The following EP300 variants were observed in gnomAD, a reference collection of about 807,000 sequenced individuals.
The protein encoded by EP300 is histone acetyltransferase p300.
In EP300, 31 loss-of-function variants were observed where a neutral mutation model predicts 264.0. The ratio of observed to expected loss-of-function variants is 0.12; its 90% confidence interval spans 0.09 to 0.16. The LOEUF (loss-of-function observed/expected upper bound fraction) is 0.16. EP300 is among the 10% of genes least tolerant of loss of function. EP300 has a pLI of 1.00. For synonymous variants in EP300, 1,340 were observed against 1,045.4 expected (o/e 1.28, Z -5.44); for missense variants, 2,766 against 3,052.9 (o/e 0.91, Z 2.21).
intron 10 of EP300, among the ~76,000 whole-genome samples, chr22:41,144,598 C>T (rs916446357): frequency 7.9e-5 from 12 of 151,980 alleles, no homozygotes; most frequent in African/African-American, 2.9e-4. Context: ...CTCAAGATAT[C>T]CACCCACCTC....
At position 41,098,550 on chromosome 22, in the gene EP300, T is replaced by A. The variant is rs562635912; in HGVS notation, c.94+5452T>A. 2.3e-3 allele frequency among the ~76,000 whole-genome samples: 345 copies of A among 152,238 alleles called. 2 individuals are homozygous for A. Among genetic ancestry groups the A allele is most frequent in the Non-Finnish European group, 4.1e-3 (280 of 68,010 alleles). On this transcript the variant is annotated intron_variant, in intron 1 of 30. Coordinates refer to ENST00000263253, the MANE Select transcript of EP300 (RefSeq NM_001429.4). Reference sequence around the variant, plus strand: ...CCACACCCGGCTAATTTTTTGTATTTTTAGTAGAGACGGGGTTTCACCGTG... The same window carrying A: ...CCACACCCGGCTAATTTTTTGTATTATTAGTAGAGACGGGGTTTCACCGTG...
intron 1 of EP300, among the ~76,000 whole-genome samples, chr22:41,110,974 T>A (rs1214629192): frequency 4.0e-5 from 6 of 150,564 alleles, no homozygotes; most frequent in Non-Finnish European, 7.4e-5. Flanking sequence ...TTTTTTTTTT[T>A]TTAAATTTGA....
At chr22:41,109,253 C>T (rs1230976681) in intron 1 of EP300, among the ~76,000 whole-genome samples, 1 of 116,428 alleles carries the variant, frequency 8.6e-6, no homozygotes, top group South Asian at 2.7e-4. Context: ...GACCCTGTCT[C>T]AAAAAAAAAA....
At chr22:41,126,079 C>G (rs2145708236) in intron 3 of EP300, 39 bp downstream of exon 3, 6 of 1,597,744 alleles carry the variant, frequency 3.8e-6, no homozygotes, top group Non-Finnish European at 5.1e-6. Flanking sequence ...TTCAAACTGG[C>G]ATTTTGACAA....
At chr22:41,144,455 G>A (rs1408357842) in intron 10 of EP300, among the ~76,000 whole-genome samples, 1 of 151,822 alleles carries the variant, frequency 6.6e-6, no homozygotes, top group Non-Finnish European at 1.5e-5. Flanking sequence ...CCAAGCTCAA[G>A]CAATCCTCCC....
intron 1 of EP300, among the ~76,000 whole-genome samples, chr22:41,098,357 G>A (rs1362239262): frequency 6.6e-6 from 1 of 152,144 alleles, no homozygotes; most frequent in African/African-American, 2.4e-5. Context: ...TTTTATAAAT[G>A]TCCCAAAGCA....
intron 23 of EP300, among the ~76,000 whole-genome samples, chr22:41,167,684 G>T (rs1437189727): frequency 7.4e-6 from 1 of 135,642 alleles, no homozygotes; most frequent in East Asian, 2.1e-4. Context: ...AGGTTTCACT[G>T]TGTTGTCCAG....
chr22:41,093,180 C>G, intron 1 of EP300, 82 bp downstream of exon 1: 1 of 1,319,756 alleles, frequency 7.6e-7, no homozygotes, highest in Non-Finnish European at 1.1e-6. Flanking sequence ...TTTTTTTTTT[C>G]TTCCTCTCTC....
At chr22:41,133,053 A>G (rs2037421083) in intron 6 of EP300, among the ~76,000 whole-genome samples, 1 of 152,110 alleles carries the variant, frequency 6.6e-6, no homozygotes, top group African/African-American at 2.4e-5. Flanking sequence ...GGTCTTGTCC[A>G]GGTTGGTCTT....
rs528046571 is a variant in EP300 at position 41,161,393 on chromosome 22, G to A, written c.3671+671G>A. On this transcript the variant is annotated intron_variant, in intron 20 of 30. Transcript: ENST00000263253. ...AGCACTTTGGGAGGCCAAGGCGGGC[G>A]GATCACGAGGTCAGGAGATCGAGAC... is the stretch of plus-strand genomic sequence containing the variant. Among the ~76,000 whole-genome samples the A allele has an allele frequency of 3.9e-5, 6 of 152,298 alleles. No homozygotes were observed. The East Asian group carries it at 9.6e-4, about 24-fold the overall frequency.
At chr22:41,112,430 C>G (rs1386768592) in intron 1 of EP300, among the ~76,000 whole-genome samples, 1 of 150,298 alleles carries the variant, frequency 6.7e-6, no homozygotes, top group African/African-American at 2.5e-5. Context: ...AGCTCCTGAC[C>G]TCAAGTGATC....
intron 1 of EP300, among the ~76,000 whole-genome samples, chr22:41,101,729 A>T (rs913577780): frequency 1.3e-5 from 2 of 152,082 alleles, no homozygotes; most frequent in South Asian, 4.1e-4. Context: ...CTTAAAGAAT[A>T]AATTTTCTTG....
chr22:41,176,492 C>T lies in EP300; in HGVS notation c.5025C>T (p.His1675=), dbSNP rs779813733. ...TCTACACCTGCAATGAATGCAAGCA[C>T]CATGTGGAGACACGCTGGCACTGTA... ...RFVYTCNECK[H]HVETRWHCTV... The change falls in exon 30 of 31, where the codon CAC becomes CAT. Residue 1675 remains histidine (H), a synonymous_variant. Transcript: ENST00000263253. 2 of 1,614,104 alleles carry T rather than the reference C, an allele frequency of 1.2e-6. No individual in the cohort carries two copies. The highest frequency in any genetic ancestry group is 2.2e-5 in the East Asian group (1 of 44,874).
intron 16 of EP300, among the ~76,000 whole-genome samples, chr22:41,152,568 C>T (rs1342066783): frequency 6.6e-6 from 1 of 151,612 alleles, no homozygotes; most frequent in Admixed American, 6.6e-5. Context: ...AAGTCATTCC[C>T]CTCATTTCTT....
rs142288817 is a variant in EP300, at chr22:41,168,570, C to T, written c.3996C>T (p.Thr1332=). 91 of 1,613,982 alleles carry T rather than the reference C, an allele frequency of 5.6e-5. No homozygotes were observed. In the African/African-American group the frequency reaches 1.0e-3, roughly 18 times the overall value. Residue 1332 remains threonine, a synonymous_variant, in exon 24 of 31, where the codon ACC becomes ACT. Transcript: ENST00000263253. ...GAGTAGTTCATGCTTCTGACAAAACCGTGGAAGTAAAACCAGGCATGAAAG... is the reference window on the plus strand; with the variant it reads ...GAGTAGTTCATGCTTCTGACAAAACTGTGGAAGTAAAACCAGGCATGAAAG... The part of the protein sequence containing the change: ...TVRVVHASDK[T]VEVKPGMKAR...
intron 1 of EP300, among the ~76,000 whole-genome samples, chr22:41,113,407 A>G (rs760759378): frequency 2.6e-5 from 4 of 151,844 alleles, no homozygotes; most frequent in East Asian, 1.9e-4. Flanking sequence ...TTACATTCCT[A>G]TTTCCTGTTT....
chr22:41,140,212 T>C lies in EP300; in HGVS notation c.1833T>C (p.Tyr611=), dbSNP rs1270031030. 1.2e-6 allele frequency: 2 copies of C among 1,614,096 alleles called. No individual in the cohort carries two copies. The highest frequency in any genetic ancestry group is 8.5e-7 in the Non-Finnish European group (1 of 1,179,954). Residue 611 remains tyrosine, a synonymous_variant, in exon 9 of 31, where the codon TAT becomes TAC. Transcript: ENST00000263253. ...GACGGATGGAAAACCTAGTTGCATA[T>C]GCTCGGAAAGTTGAAGGGGACATGT... is the stretch of plus-strand genomic sequence containing the variant. ...KDRRMENLVA[Y]ARKVEGDMYE...
rs778982671 is a variant in EP300, at chr22:41,178,344, C to A, written c.6633C>A (p.Phe2211Leu). 6.2e-7 allele frequency: 1 copy of A among 1,608,158 alleles called. No individual in the cohort carries two copies. Among genetic ancestry groups the A allele is most frequent in the Non-Finnish European group, 8.5e-7 (1 of 1,174,742 alleles). The change falls in exon 31 of 31, where the codon TTC becomes TTA. Residue 2211 changes from phenylalanine (F) to leucine (L), a missense_variant. Phe to Leu is a conservative substitution (Grantham distance 22). Coordinates refer to ENST00000263253, the MANE Select transcript of EP300 (RefSeq NM_001429.4). ...IGPGMANHNQ[F>L]QQPQGVGYPP... Reference sequence around the variant, plus strand: ...CTGGAATGGCCAACCATAACCAGTTCCAGCAACCCCAAGGAGTTGGCTACC... The same window carrying A: ...CTGGAATGGCCAACCATAACCAGTTACAGCAACCCCAAGGAGTTGGCTACC...
chr22:41,102,191 T>C (rs1365642545), intron 1 of EP300, among the ~76,000 whole-genome samples: 1 of 152,302 alleles, frequency 6.6e-6, no homozygotes, highest in African/African-American at 2.4e-5. Context: ...CAGGAACTTA[T>C]CCTCTGTACA....
Sources: gnomAD v4.1 joint callset for allele counts (sites outside exome capture counted in the v4.1 genomes callset) on GRCh38, gnomAD v4.1.1 for gene constraint, MANE v1.5 for transcripts, NCBI Gene and HGNC (gene_info 2026-07-23, HGNC 2026-07-21) for gene names.